ASIC2: variants seen among roughly 807,000 people sequenced by gnomAD.
The protein encoded by ASIC2 is acid sensing ion channel subunit 2, also known as acid-sensing ion channel 2.
In ASIC2, 25 loss-of-function variants were observed where a neutral mutation model predicts 57.3. That is an observed-to-expected ratio of 0.44 (90% CI 0.32 to 0.61). The LOEUF is 0.61. Among genes scored for constraint, ASIC2 ranks in the 20% least tolerant of loss-of-function variants. The pLI is 0.06. For synonymous variants in ASIC2, 319 were observed against 307.5 expected (o/e 1.04, Z -0.39); for missense variants, 641 against 738.1 (o/e 0.87, Z 1.52).
intron 1 of ASIC2, among the ~76,000 whole-genome samples, chr17:33,186,703 C>G (rs1023215756): frequency 6.6e-6 from 1 of 152,110 alleles, no homozygotes; most frequent in Non-Finnish European, 1.5e-5. Flanking sequence ...GGCTGGCCAT[C>G]GGAAGTTGAT....
At chr17:33,684,324 G>A (rs1415407405) in intron 1 of ASIC2, among the ~76,000 whole-genome samples, 7 of 151,678 alleles carry the variant, frequency 4.6e-5, no homozygotes, top group South Asian at 2.1e-4. Flanking sequence ...CCCTGGGGTG[G>A]GGAGGGGGGT....
chr17:33,725,815 AGTGGGTCTCTT>A (rs1909537436), intron 1 of ASIC2, among the ~76,000 whole-genome samples: 1 of 150,674 alleles, frequency 6.6e-6, no homozygotes, highest in African/African-American at 2.4e-5. Context: ...GGGATTCCAA[AGTGGGTCTCTT>A]GTGGCTCACA....
chr17:33,292,134 G>T lies in ASIC2; in HGVS notation c.-19C>A. 9.7e-7 allele frequency: 1 copy of T among 1,034,310 alleles called. No homozygotes were observed. 64.1% of individuals were successfully genotyped at this position (1,034,310 alleles called of 1,614,324 possible). A position where few individuals can be genotyped will look rare whatever the true frequency, so the allele number is the denominator to read the frequency against. Reference sequence around the variant, plus strand: ...GGCTCATTCATTCAGCCCGCGGCTGGCGGCAGCGGCGGCGGCCCCGGCCGG... The same window carrying T: ...GGCTCATTCATTCAGCCCGCGGCTGTCGGCAGCGGCGGCGGCCCCGGCCGG... On this transcript the variant is annotated 5_prime_UTR_variant, in exon 1 of 10. Transcript: ENST00000225823.
At chr17:33,710,385 T>A (rs1908990355) in intron 1 of ASIC2, among the ~76,000 whole-genome samples, 1 of 152,154 alleles carries the variant, frequency 6.6e-6, no homozygotes, top group African/African-American at 2.4e-5. Flanking sequence ...ATCTTTGAAG[T>A]GCCGCAGGGA....
chr17:33,770,900 C>A (rs1911083129), intron 1 of ASIC2, among the ~76,000 whole-genome samples: 1 of 152,164 alleles, frequency 6.6e-6, no homozygotes, highest in African/African-American at 2.4e-5. Flanking sequence ...TGGAATAGCA[C>A]CTTCTGGCAC....
chr17:33,915,327 A>C (rs1323136359), intron 1 of ASIC2, among the ~76,000 whole-genome samples: 2 of 152,180 alleles, frequency 1.3e-5, no homozygotes, highest in Non-Finnish European at 1.5e-5. Flanking sequence ...CCCATCTCAG[A>C]AGCATGAATG....
intron 1 of ASIC2, among the ~76,000 whole-genome samples, chr17:33,280,777 T>C (rs1385879858): frequency 6.6e-6 from 1 of 152,242 alleles, no homozygotes; most frequent in Admixed American, 6.5e-5. Context: ...CATAATTTTC[T>C]CTGTGAGACT....
At chr17:33,702,066 C>A (rs888769775) in intron 1 of ASIC2, among the ~76,000 whole-genome samples, 2 of 152,174 alleles carry the variant, frequency 1.3e-5, no homozygotes, top group Admixed American at 6.5e-5. Context: ...AAGGTGGTAA[C>A]TTCTTCCTTT....
At chr17:33,462,231 C>T (rs1024108425) in intron 1 of ASIC2, among the ~76,000 whole-genome samples, 4 of 152,152 alleles carry the variant, frequency 2.6e-5, no homozygotes, top group Non-Finnish European at 5.9e-5. Context: ...CCTCTTTCTT[C>T]CTTCTGGTAA....
chr17:33,962,477 A>G (rs1321856957), intron 1 of ASIC2, among the ~76,000 whole-genome samples: 2 of 152,244 alleles, frequency 1.3e-5, no homozygotes, highest in African/African-American at 4.8e-5. Context: ...TCTTCATCCC[A>G]GAGCCACAGT....
intron 1 of ASIC2, among the ~76,000 whole-genome samples, chr17:33,124,121 T>A (rs1262833864): frequency 6.6e-6 from 1 of 152,196 alleles, no homozygotes; most frequent in African/African-American, 2.4e-5. Flanking sequence ...TCATACCACA[T>A]TCTTACTGAG....
At chr17:34,053,470 C>T (rs556148556) in intron 1 of ASIC2, among the ~76,000 whole-genome samples, 1 of 152,256 alleles carries the variant, frequency 6.6e-6, no homozygotes, top group Non-Finnish European at 1.5e-5. Flanking sequence ...ATAAGCAGAG[C>T]TGAAGTGATT....
At chr17:33,297,730 G>C (rs957968013), upstream of ASIC2, among the ~76,000 whole-genome samples, 5 of 151,838 alleles carry the variant, frequency 3.3e-5, no homozygotes, top group African/African-American at 9.7e-5. Flanking sequence ...AGGCTGAAGT[G>C]GGGGGATCCT....
At chr17:33,767,141 C>G (rs1910957868) in intron 1 of ASIC2, among the ~76,000 whole-genome samples, 1 of 152,180 alleles carries the variant, frequency 6.6e-6, no homozygotes, top group African/African-American at 2.4e-5. Flanking sequence ...ATTTGAAAGC[C>G]CTGCTTGTCT....
intron 1 of ASIC2, among the ~76,000 whole-genome samples, chr17:33,380,321 T>C (rs567190585): frequency 6.6e-6 from 1 of 151,450 alleles, no homozygotes; most frequent in East Asian, 1.9e-4. Flanking sequence ...AATGGTTACA[T>C]TGACTCTTAT....
At chr17:33,896,009 A>T (rs1439054555) in intron 1 of ASIC2, among the ~76,000 whole-genome samples, 2 of 108,134 alleles carry the variant, frequency 1.8e-5, no homozygotes, top group Non-Finnish European at 4.0e-5. Context: ...AAATGAGATT[A>T]AAAAAAAATG....
chr17:33,292,749 G>T lies in ASIC2; in HGVS notation c.-634C>A, dbSNP rs1020906550. 2.6e-5 allele frequency: 26 copies of T among 985,818 alleles called. No individual in the cohort carries two copies. Among genetic ancestry groups the T allele is most frequent in the South Asian group, 4.7e-5 (1 of 21,306 alleles). 61.1% of individuals were successfully genotyped at this position (985,818 alleles called of 1,614,324 possible). On this transcript the variant is annotated 5_prime_UTR_variant, in exon 1 of 10. Coordinates refer to ENST00000225823, the MANE Select transcript of ASIC2 (RefSeq NM_183377.2). ...TACGGGGGTGAGTGGTCGCCTTGCC[G>T]GCTGCCGCCTTCTTTCCCTTCCCCT...
At chr17:33,038,739 T>C (rs937018397) in intron 3 of ASIC2, among the ~76,000 whole-genome samples, 6 of 152,228 alleles carry the variant, frequency 3.9e-5, no homozygotes, top group Non-Finnish European at 5.9e-5. Flanking sequence ...GTCGCCTTCA[T>C]TTTGTAGAGA....
At chr17:33,257,251 C>T (rs966580567) in intron 1 of ASIC2, among the ~76,000 whole-genome samples, 1 of 152,198 alleles carries the variant, frequency 6.6e-6, no homozygotes, top group African/African-American at 2.4e-5. Context: ...CCTCACTGAC[C>T]AGGTGCCCTC....
Sources: allele counts gnomAD v4.1 joint callset (sites outside exome capture counted in the v4.1 genomes callset), GRCh38; gene constraint gnomAD v4.1.1; transcripts MANE v1.5; gene names NCBI Gene and HGNC (gene_info 2026-07-23, HGNC 2026-07-21).